CAMK1D: variants seen among roughly 807,000 people sequenced by gnomAD.
The protein encoded by CAMK1D is calcium/calmodulin dependent protein kinase ID, also known as calcium/calmodulin-dependent protein kinase type 1D.
A neutral mutation model predicts 47.7 loss-of-function variants in CAMK1D; 9 were observed. The observed-to-expected ratio is 0.19, with a 90% CI of 0.11 to 0.33. The LOEUF is 0.33. CAMK1D is among the 10% of genes least tolerant of loss of function. The probability of loss-of-function intolerance (pLI) is 1.00; values close to 1 mark genes in which losing one functional copy is unlikely to be tolerated. For synonymous variants in CAMK1D, 184 were observed against 184.9 expected, an observed-to-expected ratio of 0.99 and a Z score of 0.04; for missense variants, 291 against 488.7, an observed-to-expected ratio of 0.60 and a Z score of 3.81.
intron 1 of CAMK1D, among the ~76,000 whole-genome samples, chr10:12,356,460 T>C (rs1325467647): frequency 6.6e-6 from 1 of 152,130 alleles, no homozygotes; most frequent in African/African-American, 2.4e-5. Context: ...ATTTCTGAAT[T>C]TGAAGGTGAA....
At chr10:12,748,157 C>G (rs1167555937) in intron 3 of CAMK1D, among the ~76,000 whole-genome samples, 1 of 152,190 alleles carries the variant, frequency 6.6e-6, no homozygotes, top group East Asian at 1.9e-4. Context: ...TCTTCACCCT[C>G]CACAGCTCAT....
chr10:12,777,689 A>T (rs1238654024), intron 5 of CAMK1D, among the ~76,000 whole-genome samples: 1 of 152,062 alleles, frequency 6.6e-6, no homozygotes, highest in Non-Finnish European at 1.5e-5. Flanking sequence ...TGAACTATTA[A>T]TTAAGTGTGG....
chr10:12,500,920 G>T (rs1293577954), intron 1 of CAMK1D, among the ~76,000 whole-genome samples: 2 of 152,216 alleles, frequency 1.3e-5, no homozygotes, highest in South Asian at 2.1e-4. Flanking sequence ...GATTGCTTCA[G>T]TGCAGCCTCA....
chr10:12,534,764 G>T (rs1381063607), intron 1 of CAMK1D, among the ~76,000 whole-genome samples: 1 of 152,156 alleles, frequency 6.6e-6, no homozygotes, highest in Non-Finnish European at 1.5e-5. Context: ...TCTTCCATAT[G>T]GGGACTGAGA....
chr10:12,572,325 C>T (rs1588647279), intron 2 of CAMK1D, among the ~76,000 whole-genome samples: 2 of 152,294 alleles, frequency 1.3e-5, no homozygotes, highest in Admixed American at 1.3e-4. Context: ...GGTACTTCCT[C>T]CTTAGGTCTC....
chr10:12,369,107 A>G (rs1186046084), intron 1 of CAMK1D, among the ~76,000 whole-genome samples: 1 of 151,968 alleles, frequency 6.6e-6, no homozygotes, highest in Non-Finnish European at 1.5e-5. Flanking sequence ...GAGCCACCAC[A>G]CCCAGCCAGG....
chr10:12,482,065 T>C (rs1014148794), intron 1 of CAMK1D, among the ~76,000 whole-genome samples: 6 of 152,238 alleles, frequency 3.9e-5, no homozygotes, highest in African/African-American at 7.2e-5. Context: ...TAATGAAATG[T>C]GTTTCCCTTG....
intron 1 of CAMK1D, among the ~76,000 whole-genome samples, chr10:12,454,003 G>A (rs1213818419): frequency 6.6e-6 from 1 of 152,172 alleles, no homozygotes; most frequent in Non-Finnish European, 1.5e-5. Context: ...AGAGCTCTGG[G>A]GGGGCTGTTG....
At chr10:12,790,650 T>TA (rs1250696579) in intron 5 of CAMK1D, among the ~76,000 whole-genome samples, 11 of 122,234 alleles carry the variant, frequency 9.0e-5, no homozygotes, top group African/African-American at 2.4e-4. Context: ...TTCATTTTTT[T>TA]TAATTTACAT....
In CAMK1D at chr10:12,541,484, C is replaced by T. The variant is rs1189013540; in HGVS notation, c.93-11741C>T. 2.0e-5 allele frequency among the ~76,000 whole-genome samples: 3 copies of T among 152,174 alleles called. No individual in the cohort carries two copies. The East Asian group carries it at 5.8e-4, about 29-fold the overall frequency. ...GTTCAAGCAGTTCTCCTGCCTCAGC[C>T]TCCTGAGTAGCTGGGATTACAGGCG... is the stretch of plus-strand genomic sequence containing the variant. On this transcript the variant is annotated intron_variant, in intron 1 of 10. Coordinates refer to ENST00000619168, the MANE Select transcript of CAMK1D (RefSeq NM_153498.4).
At chr10:12,774,472 G>A (rs1479096632) in intron 5 of CAMK1D, among the ~76,000 whole-genome samples, 1 of 152,138 alleles carries the variant, frequency 6.6e-6, no homozygotes, top group Admixed American at 6.6e-5. Context: ...AGAGACAGTC[G>A]GAGAAGTCCT....
At chr10:12,447,556 G>A (rs1404949308) in intron 1 of CAMK1D, among the ~76,000 whole-genome samples, 3 of 152,160 alleles carry the variant, frequency 2.0e-5, no homozygotes, top group Non-Finnish European at 4.4e-5. Flanking sequence ...TAAGAAATTA[G>A]CTGAGTGTAG....
At chr10:12,690,806 G>T (rs1021223115) in intron 3 of CAMK1D, among the ~76,000 whole-genome samples, 1 of 152,078 alleles carries the variant, frequency 6.6e-6, no homozygotes, top group Admixed American at 6.6e-5. Flanking sequence ...GGGGGCAGTT[G>T]GGAAAGTTTT....
chr10:12,402,228 C>T (rs1343549426), intron 1 of CAMK1D, among the ~76,000 whole-genome samples: 1 of 151,766 alleles, frequency 6.6e-6, no homozygotes, highest in Non-Finnish European at 1.5e-5. Flanking sequence ...AGGCACGAGC[C>T]ACCGCGCCTG....
intron 2 of CAMK1D, among the ~76,000 whole-genome samples, chr10:12,659,496 A>G (rs2132532718): frequency 6.6e-6 from 1 of 152,324 alleles, no homozygotes; most frequent in Non-Finnish European, 1.5e-5. Flanking sequence ...TTAAAATGAA[A>G]GGTATTACTT....
intron 2 of CAMK1D, among the ~76,000 whole-genome samples, chr10:12,629,532 T>TA (rs1217114252): frequency 2.6e-5 from 4 of 152,166 alleles, no homozygotes; most frequent in African/African-American, 9.7e-5. Flanking sequence ...GGAGCAAAGT[T>TA]AGAGGCCGTG....
intron 8 of CAMK1D, among the ~76,000 whole-genome samples, chr10:12,817,116 G>A (rs1052700227): frequency 6.6e-6 from 1 of 152,190 alleles, no homozygotes; most frequent in African/African-American, 2.4e-5. Flanking sequence ...CACGAGAACA[G>A]CACGGGAAAG....
chr10:12,437,771 T>G (rs1832678570), intron 1 of CAMK1D, among the ~76,000 whole-genome samples: 1 of 152,238 alleles, frequency 6.6e-6, no homozygotes, highest in African/African-American at 2.4e-5. Context: ...GATCGTATCA[T>G]ACAGAGTAGT....
At chr10:12,601,091 T>G (rs1490772514) in intron 2 of CAMK1D, among the ~76,000 whole-genome samples, 1 of 152,154 alleles carries the variant, frequency 6.6e-6, no homozygotes, top group Non-Finnish European at 1.5e-5. Flanking sequence ...GTGGTAGACA[T>G]GAGTGCAGGT....
Sources: gnomAD v4.1 joint callset for allele counts (sites outside exome capture counted in the v4.1 genomes callset) on GRCh38, gnomAD v4.1.1 for gene constraint, MANE v1.5 for transcripts, NCBI Gene and HGNC (gene_info 2026-07-23, HGNC 2026-07-21) for gene names.